Variants in AKAP13 observed in about 807,000 individuals in gnomAD.
AKAP13 encodes A-kinase anchor protein 13.
A neutral mutation model predicts 264.5 loss-of-function variants in AKAP13; 80 were observed. The observed-to-expected ratio is 0.30, with a 90% CI of 0.25 to 0.36. AKAP13 has a LOEUF of 0.36. Among genes scored for constraint, AKAP13 ranks in the 10% least tolerant of loss-of-function variants. AKAP13 has a pLI of 1.00. For missense variants in AKAP13, 3,712 were observed against 3,435.2 expected (o/e 1.08, Z -2.01); for synonymous variants, 1,380 against 1,250.2 (o/e 1.10, Z -2.19).
rs1467538526 is a variant in AKAP13 at position 85,580,822 on chromosome 15, A to T, written c.2754A>T (p.Ser918=). 6.2e-7 allele frequency: 1 copy of T among 1,614,124 alleles called. No homozygotes were observed. The highest frequency in any genetic ancestry group is 1.3e-5 in the African/African-American group (1 of 75,060). ...AAGAAGGAAAACTTCTGGTGGTTTC[A>T]GAAAGCTCTGCAGCTCAGGAACAAG... is the stretch of plus-strand genomic sequence containing the variant. ...LTEEGKLLVV[S]ESSAAQEQDK... Residue 918 remains serine (S), a synonymous_variant, in exon 7 of 37, where the codon TCA becomes TCT. Coordinates refer to ENST00000394518, the MANE Select transcript of AKAP13 (RefSeq NM_007200.5).
rs2087668986 is a variant in AKAP13, at chr15:85,727,234, A to G, written c.6991A>G (p.Thr2331Ala). The G allele has an allele frequency of 1.2e-6, 2 of 1,614,210 alleles. No individual in the cohort carries two copies. The highest frequency in any genetic ancestry group is 8.5e-7 in the Non-Finnish European group (1 of 1,180,024). ...RNSWIQIIQD[T>A]INTLNRDEDE... ...CAGCTGGATTCAGATCATTCAGGAC[A>G]CAATCAACACCCTGTAAGTTAACCA... The change falls in exon 28 of 37, where the codon ACA (threonine) becomes GCA (alanine). Residue 2331 changes from threonine (T) to alanine (A), a missense_variant. Physicochemically the swap from Thr to Ala is moderately conservative, Grantham distance 58. Coordinates refer to ENST00000394518, the MANE Select transcript of AKAP13 (RefSeq NM_007200.5). This position sits in a 1 kb window ranked among gnomAD's most constrained non-coding sequence, Gnocchi z 5.3.
rs562142854 is a variant in AKAP13, at chr15:85,577,030, G to A, written c.861+1701G>A. 2.0e-5 allele frequency among the ~76,000 whole-genome samples: 3 copies of A among 152,276 alleles called. No homozygotes were observed. In the East Asian group the frequency reaches 5.8e-4, roughly 29 times the overall value. Reference sequence around the variant, plus strand: ...TGACTTCATTTCCTGATTTTTAGGAGACTGTCGTACTCTCAGCAGGACTGG... The same window carrying A: ...TGACTTCATTTCCTGATTTTTAGGAAACTGTCGTACTCTCAGCAGGACTGG... On this transcript the variant is annotated intron_variant, in intron 6 of 36. Transcript: ENST00000394518.
intron 2 of AKAP13, among the ~76,000 whole-genome samples, chr15:85,508,426 C>G (rs754543666): frequency 6.6e-6 from 1 of 151,796 alleles, no homozygotes; most frequent in Non-Finnish European, 1.5e-5. Context: ...TACAGACGTG[C>G]GCTATCGTGC....
chr15:85,703,534 C>T (rs1459485418), intron 17 of AKAP13, among the ~76,000 whole-genome samples: 2 of 152,156 alleles, frequency 1.3e-5, no homozygotes, highest in African/African-American at 4.8e-5. Context: ...GGCGATGTCT[C>T]AAATCCCCCA....
intron 1 of AKAP13, among the ~76,000 whole-genome samples, chr15:85,426,222 A>G (rs367808510): frequency 6.6e-6 from 1 of 152,228 alleles, no homozygotes; most frequent in African/African-American, 2.4e-5. Context: ...CACTTAGTCT[A>G]AATGTAAGGT....
At chr15:85,394,577 A>G (rs774176882) in intron 1 of AKAP13, among the ~76,000 whole-genome samples, 14 of 152,182 alleles carry the variant, frequency 9.2e-5, no homozygotes, top group Non-Finnish European at 1.6e-4. Flanking sequence ...ATAACTAGAT[A>G]CTTTGCTAGT....
intron 5 of AKAP13, among the ~76,000 whole-genome samples, chr15:85,568,309 A>C (rs1224204878): frequency 1.3e-5 from 2 of 151,864 alleles, no homozygotes; most frequent in African/African-American, 4.8e-5. Context: ...GAAAAAAGGA[A>C]AAAAAAAGTC....
At chr15:85,449,000 C>T (rs2073994313) in intron 1 of AKAP13, among the ~76,000 whole-genome samples, 1 of 151,608 alleles carries the variant, frequency 6.6e-6, no homozygotes. Flanking sequence ...GGCAGTATAC[C>T]CATTTTAATG....
intron 2 of AKAP13, among the ~76,000 whole-genome samples, chr15:85,512,309 C>T (rs557267086): frequency 2.0e-5 from 3 of 152,284 alleles, no homozygotes; most frequent in East Asian, 1.9e-4. Context: ...CCAAGCAACA[C>T]GTTTGGGTTT....
At chr15:85,722,183 A>G (rs1276183867) in intron 24 of AKAP13, 47 bp from the exon 25 acceptor site, 1 of 1,609,794 alleles carries the variant, frequency 6.2e-7, no homozygotes, top group African/African-American at 1.3e-5. Context: ...GGCTTTCACT[A>G]GAGCCTTTTT....
At chr15:85,643,877 T>A (rs375534961) in intron 9 of AKAP13, among the ~76,000 whole-genome samples, 1 of 152,206 alleles carries the variant, frequency 6.6e-6, no homozygotes, top group East Asian at 1.9e-4. Flanking sequence ...TTTTTGTTTA[T>A]CAGTGTTCTA....
chr15:85,736,218 TTC>T (rs1476437125), intron 33 of AKAP13, 84 bp downstream of exon 33: 9 of 1,218,872 alleles, frequency 7.4e-6, no homozygotes, highest in East Asian at 4.7e-5. Context: ...TTTTTTTTTT[TTC>T]TTTTTGCTGT....
In AKAP13 at chr15:85,741,105, G is replaced by A. The variant is rs2151784364; in HGVS notation, c.7668G>A (p.Arg2556=). Residue 2556 remains arginine (R), a synonymous_variant, in exon 35 of 37, where the codon AGG becomes AGA. Transcript: ENST00000394518. The part of the protein sequence containing the change: ...IEDQKLVLSE[R]ALTRSLSRPS... ...ACCAGAAACTGGTGCTGAGCGAGAG[G>A]GCGCTCACTCGCAGCTTGTCCCGCC... 6.2e-7 allele frequency: 1 copy of A among 1,613,626 alleles called. No individual in the cohort carries two copies. Among genetic ancestry groups the A allele is most frequent in the East Asian group, 2.2e-5 (1 of 44,864 alleles).
At chr15:85,475,903 G>A (rs901029012) in intron 1 of AKAP13, among the ~76,000 whole-genome samples, 219 of 152,314 alleles carry the variant, frequency 1.4e-3, no homozygotes, top group African/African-American at 4.3e-3. Flanking sequence ...TGGGGGCTCA[G>A]TACTGTGCCA....
At chr15:85,539,157 T>C (rs1337645847) in intron 4 of AKAP13, among the ~76,000 whole-genome samples, 3 of 152,158 alleles carry the variant, frequency 2.0e-5, no homozygotes, top group Non-Finnish European at 2.9e-5. Context: ...TCAGCTGTCA[T>C]CACTGCTGAA....
At chr15:85,653,690 C>T (rs944165948) in intron 10 of AKAP13, among the ~76,000 whole-genome samples, 2 of 151,026 alleles carry the variant, frequency 1.3e-5, no homozygotes, top group Non-Finnish European at 3.0e-5. Context: ...TTTTTTTTAC[C>T]CTTAATTAAA....
chr15:85,404,885 G>C (rs148029414), intron 1 of AKAP13, among the ~76,000 whole-genome samples: 1 of 152,126 alleles, frequency 6.6e-6, no homozygotes, highest in East Asian at 1.9e-4. Context: ...TTTTGCCTTC[G>C]TTGCTTGCAC....
At chr15:85,573,541 T>C (rs1039058779) in intron 5 of AKAP13, among the ~76,000 whole-genome samples, 4 of 79,692 alleles carry the variant, frequency 5.0e-5, no homozygotes, top group African/African-American at 2.5e-4. Context: ...CGGGACTCTG[T>C]CTCAAAAATA....
chr15:85,619,225 A>T, intron 8 of AKAP13: 1 of 289,502 alleles, frequency 3.5e-6, no homozygotes, highest in Non-Finnish European at 5.2e-6. Flanking sequence ...TCGGTAGATG[A>T]ATCATGTTCC....
Sources: allele counts gnomAD v4.1 joint callset (sites outside exome capture counted in the v4.1 genomes callset), GRCh38; gene constraint gnomAD v4.1.1; non-coding constraint Gnocchi (gnomAD v3.1); transcripts MANE v1.5; gene names NCBI Gene and HGNC (gene_info 2026-07-23, HGNC 2026-07-21).